CFAP54: variants seen among roughly 807,000 people sequenced by gnomAD.
CFAP54 encodes the protein cilia and flagella associated protein 54.
In CFAP54, 290 loss-of-function variants were observed where a neutral mutation model predicts 370.4. That is an observed-to-expected ratio of 0.78 (90% confidence interval 0.71 to 0.86). CFAP54 has a LOEUF of 0.86. CFAP54 is among the 40% of genes least tolerant of loss of function. The pLI is 0.00. For missense variants in CFAP54, 3,399 were observed against 3,528.7 expected, an observed-to-expected ratio of 0.96 and a Z score of 0.93; for synonymous variants, 1,206 against 1,236.5, an observed-to-expected ratio of 0.98 and a Z score of 0.52.
intron 58 of CFAP54, among the ~76,000 whole-genome samples, chr12:96,762,383 A>G (rs1958349148): frequency 6.6e-6 from 1 of 152,120 alleles, no homozygotes; most frequent in Non-Finnish European, 1.5e-5. Context: ...TTACTTCTTC[A>G]CTTCCAATCT....
At chr12:96,735,323 T>C (rs7314672) in intron 50 of CFAP54, among the ~76,000 whole-genome samples, 73,201 of 152,044 alleles carry the variant, frequency 0.48, 18,013 homozygotes, top group South Asian at 0.54. Flanking sequence ...CTTTATCCCC[T>C]GAAAGGAACA....
intron 17 of CFAP54, 117 bp downstream of exon 17, chr12:96,554,919 AT>A: frequency 5.1e-6 from 5 of 986,480 alleles, no homozygotes; most frequent in Non-Finnish European, 6.7e-6. Flanking sequence ...GATAAATTTC[AT>A]TTTTTTCTAC....
intron 23 of CFAP54, among the ~76,000 whole-genome samples, chr12:96,591,832 A>G (rs1956127663): frequency 1.3e-5 from 2 of 151,010 alleles, no homozygotes; most frequent in Non-Finnish European, 3.0e-5. Context: ...CGGAGCTTGC[A>G]GTGAGTCGAG....
chr12:96,709,549 G>C (rs1049981302), intron 48 of CFAP54, among the ~76,000 whole-genome samples: 2 of 151,878 alleles, frequency 1.3e-5, no homozygotes, highest in African/African-American at 4.8e-5. Context: ...TCATTGAAAG[G>C]GTGTTGAATT....
chr12:96,626,671 T>C (rs1051073017), intron 29 of CFAP54, 142 bp from the exon 30 acceptor site: 7 of 428,496 alleles, frequency 1.6e-5, no homozygotes, highest in African/African-American at 1.4e-4. Flanking sequence ...TTTATTCCTA[T>C]ATACTTTTTA....
chr12:96,540,725 C>T, intron 13 of CFAP54, 112 bp from the exon 14 acceptor site: 3 of 582,552 alleles, frequency 5.1e-6, no homozygotes, highest in Admixed American at 4.2e-5. Flanking sequence ...TGTAACATTT[C>T]CATATGATTA....
At chr12:96,604,217 C>T (rs1419916827) in intron 26 of CFAP54, among the ~76,000 whole-genome samples, 2 of 152,196 alleles carry the variant, frequency 1.3e-5, no homozygotes, top group East Asian at 3.8e-4. Context: ...CCCTCAGCTG[C>T]AGTTCTGTTG....
chr12:96,710,127 A>G (rs1221989167), intron 48 of CFAP54, among the ~76,000 whole-genome samples: 2 of 152,164 alleles, frequency 1.3e-5, no homozygotes, highest in Non-Finnish European at 1.5e-5. Flanking sequence ...GTCTTTGTCT[A>G]GTTTTGATAT....
chr12:96,757,686 T>C, intron 58 of CFAP54, 98 bp downstream of exon 58: 1 of 584,466 alleles, frequency 1.7e-6, no homozygotes, highest in East Asian at 2.9e-5. Context: ...GATTTTCCTG[T>C]GTGGCTTGGA....
At chr12:96,571,498 G>A (rs1201490996) in intron 19 of CFAP54, among the ~76,000 whole-genome samples, 1 of 152,134 alleles carries the variant, frequency 6.6e-6, no homozygotes, top group African/African-American at 2.4e-5. Context: ...GCTAGGCACT[G>A]TGGTAGGTAG....
chr12:96,576,797 G>A (rs1380408546), intron 20 of CFAP54, 36 bp downstream of exon 20: 2 of 1,465,636 alleles, frequency 1.4e-6, no homozygotes. Context: ...CTCATGCAAA[G>A]CAACATAAGT....
At chr12:96,800,622 G>A (rs1958810227) in intron 63 of CFAP54, among the ~76,000 whole-genome samples, 1 of 152,086 alleles carries the variant, frequency 6.6e-6, no homozygotes, top group Non-Finnish European at 1.5e-5. Flanking sequence ...AAATTTGTTT[G>A]ATTTAAATAT....
intron 4 of CFAP54, among the ~76,000 whole-genome samples, chr12:96,512,443 A>G (rs1014921608): frequency 1.3e-5 from 2 of 150,566 alleles, no homozygotes; most frequent in African/African-American, 4.9e-5. Context: ...CCCAGGTTCA[A>G]GCGATTTTTC....
intron 5 of CFAP54, among the ~76,000 whole-genome samples, chr12:96,517,489 A>G (rs954249257): frequency 2.0e-5 from 3 of 152,368 alleles, no homozygotes; most frequent in African/African-American, 7.2e-5. Flanking sequence ...AAATTTAGGC[A>G]TGGCTTAATC....
rs150430019 is a variant in CFAP54 at position 96,679,706 on chromosome 12, C to A, written c.5670C>A (p.Ile1890=). The A allele has an allele frequency of 3.3e-5, 54 of 1,613,442 alleles. No individual in the cohort carries two copies. The highest frequency in any genetic ancestry group is 4.4e-5 in the Non-Finnish European group (52 of 1,179,744). ...LEKSKYHNRS[I]RHSRKLLSLF... is the part of the protein sequence containing the mutation. ...AATCCAAATACCATAACAGATCAAT[C>A]CGACACAGCAGAAAGTTGCTTTCAT... The change falls in exon 40 of 68, where the codon ATC becomes ATA. Residue 1890 remains isoleucine (I), a synonymous_variant. Transcript: ENST00000524981.
rs187385684 is a variant in CFAP54, at chr12:96,651,254, G to A, written c.4873-334G>A. Among the ~76,000 whole-genome samples, 10 of 152,202 alleles carry A rather than the reference G, an allele frequency of 6.6e-5. No homozygotes were observed. In the East Asian group the frequency reaches 1.5e-3, roughly 24 times the overall value. ...CTAGTGTCCGTCTCCCGAAATGAACGTAAGCAGCATGAGGGCAGACCCAGT... is the reference window on the plus strand; with the variant it reads ...CTAGTGTCCGTCTCCCGAAATGAACATAAGCAGCATGAGGGCAGACCCAGT... On this transcript the variant is annotated intron_variant, in intron 35 of 67. Transcript: ENST00000524981.
At chr12:96,853,488 G>C (rs1490089043) in intron 66 of CFAP54, among the ~76,000 whole-genome samples, 1 of 152,098 alleles carries the variant, frequency 6.6e-6, no homozygotes, top group African/African-American at 2.4e-5. Flanking sequence ...GTATATGCAA[G>C]TTGCACATTT....
intron 30 of CFAP54, among the ~76,000 whole-genome samples, chr12:96,628,908 C>T (rs1447159090): frequency 6.9e-6 from 1 of 145,324 alleles, no homozygotes; most frequent in African/African-American, 2.6e-5. Context: ...CTGGCTAGTA[C>T]TTACGAAGAA....
At chr12:96,836,648 T>A (rs1959187057) in intron 66 of CFAP54, among the ~76,000 whole-genome samples, 1 of 152,236 alleles carries the variant, frequency 6.6e-6, no homozygotes, top group African/African-American at 2.4e-5. Context: ...CTCAAGCTCC[T>A]GTTGAACATA....
Sources: allele counts gnomAD v4.1 joint callset (sites outside exome capture counted in the v4.1 genomes callset), GRCh38; gene constraint gnomAD v4.1.1; transcripts MANE v1.5; gene names NCBI Gene and HGNC (gene_info 2026-07-23, HGNC 2026-07-21).